The following RFX3 variants were observed in gnomAD, a reference collection of about 807,000 sequenced individuals.
RFX3 encodes the protein regulatory factor X3, also known as transcription factor RFX3.
A neutral mutation model predicts 98.6 loss-of-function variants in RFX3; 14 were observed. The ratio of observed to expected loss-of-function variants is 0.14; its 90% CI spans 0.09 to 0.22. The LOEUF (loss-of-function observed/expected upper bound fraction) is 0.22, where lower values mean the gene tolerates loss of function less well. RFX3 is among the 10% of genes least tolerant of loss of function. The probability of loss-of-function intolerance (pLI) is 1.00; values close to 1 mark genes in which losing one functional copy is unlikely to be tolerated. For synonymous variants in RFX3, 383 were observed against 328.4 expected (o/e 1.17, Z -1.80); for missense variants, 639 against 926.9 (o/e 0.69, Z 4.03).
chr9:3,435,363 T>C (rs982801080), intron 1 of RFX3, among the ~76,000 whole-genome samples: 29 of 148,106 alleles, frequency 2.0e-4, no homozygotes, highest in Admixed American at 4.0e-4. Flanking sequence ...ATATCCTTAT[T>C]CCGTAATCTT....
rs1554733178 is a variant in RFX3 at position 3,524,877 on chromosome 9, A to ACC, written c.-9+868_-9+869dup. Among the ~76,000 whole-genome samples, 69 of 99,706 alleles carry ACC rather than the reference A, an allele frequency of 6.9e-4. 1 individual carries two copies. The highest frequency in any genetic ancestry group is 1.1e-3 in the African/African-American group (24 of 21,944). The allele number at this position is 99,706 out of a possible 152,430, so 65.4% of individuals were successfully genotyped here. On this transcript the variant is annotated intron_variant, in intron 1 of 16. Transcript: ENST00000617270. Reference sequence around the variant, plus strand: ...CACACACACACACACACACACACACACCAAAGAAGAGAGAGGAGACAGACT... The same window carrying ACC: ...CACACACACACACACACACACACACACCCCAAAGAAGAGAGAGGAGACAGACT...
At chr9:3,412,669 C>T (rs1187347175) in intron 1 of RFX3, among the ~76,000 whole-genome samples, 1 of 152,048 alleles carries the variant, frequency 6.6e-6, no homozygotes, top group Non-Finnish European at 1.5e-5. Context: ...AAAGCTATCA[C>T]CTGGCTTAAA....
chr9:3,514,190 T>C (rs545024042), intron 1 of RFX3, among the ~76,000 whole-genome samples: 2 of 152,292 alleles, frequency 1.3e-5, no homozygotes, highest in South Asian at 2.1e-4. Flanking sequence ...TCCCCTAATC[T>C]TTCTTTGCCT....
chr9:3,298,546 T>A (rs72699037), intron 5 of RFX3, among the ~76,000 whole-genome samples: 17,332 of 151,842 alleles, frequency 0.11, 1,001 homozygotes, highest in Middle Eastern at 0.2. Flanking sequence ...AGGGATGCAC[T>A]GGTGAACAAA....
At chr9:3,488,904 A>G (rs1850502461) in intron 1 of RFX3, 1 of 984,502 alleles carries the variant, frequency 1.0e-6, no homozygotes, top group South Asian at 4.7e-5. Flanking sequence ...TGCTAAAACA[A>G]AGACCATATA....
At chr9:3,508,223 C>T (rs1817302228) in intron 1 of RFX3, among the ~76,000 whole-genome samples, 1 of 151,884 alleles carries the variant, frequency 6.6e-6, no homozygotes, top group South Asian at 2.1e-4. Context: ...CTCTGCACAT[C>T]CAACAAATAC....
Position 3,395,543 on chromosome 9 carries a change from A to C in RFX3, c.46T>G (p.Leu16Val), listed in dbSNP as rs755223224. The C allele has an allele frequency of 6.2e-7, 1 of 1,614,122 alleles. No homozygotes were observed. Among genetic ancestry groups the C allele is most frequent in the Non-Finnish European group, 8.5e-7 (1 of 1,180,000 alleles). Reference sequence around the variant, plus strand: ...GCTTGACTAGCCACAGATGTTTGTAAGGTCACTGTCGAGCCTGTGTCCGAC... The same window carrying C: ...GCTTGACTAGCCACAGATGTTTGTACGGTCACTGTCGAGCCTGTGTCCGAC... ...TGSDTGSTVT[L>V]QTSVASQAAV... Residue 16 changes from leucine to valine, a missense_variant, in exon 2 of 17, where the codon TTA (leucine) becomes GTA (valine). Leu to Val is a conservative substitution (Grantham distance 32). Transcript: ENST00000617270.
intron 4 of RFX3, among the ~76,000 whole-genome samples, chr9:3,318,803 C>T (rs533024320): frequency 1.3e-4 from 19 of 151,964 alleles, no homozygotes; most frequent in Non-Finnish European, 2.5e-4. Flanking sequence ...ATTTTCATAG[C>T]GGGGAGAAAA....
chr9:3,440,133 A>C (rs1323875957), intron 1 of RFX3, among the ~76,000 whole-genome samples: 1 of 152,066 alleles, frequency 6.6e-6, no homozygotes. Flanking sequence ...TCTATTAACA[A>C]CTTGTAGTTA....
intron 1 of RFX3, among the ~76,000 whole-genome samples, chr9:3,518,856 T>G (rs1363554333): frequency 6.6e-6 from 1 of 152,206 alleles, no homozygotes; most frequent in Non-Finnish European, 1.5e-5. Context: ...CCAAAATTAT[T>G]TATTGCTGTA....
chr9:3,283,972 T>A (rs1244381901), intron 7 of RFX3, among the ~76,000 whole-genome samples: 1 of 151,810 alleles, frequency 6.6e-6, no homozygotes, highest in East Asian at 1.9e-4. Flanking sequence ...TTAACCTTTA[T>A]GGACTTCGGT....
intron 1 of RFX3, among the ~76,000 whole-genome samples, chr9:3,481,320 G>C (rs1348310891): frequency 6.6e-6 from 1 of 151,996 alleles, no homozygotes; most frequent in Non-Finnish European, 1.5e-5. Flanking sequence ...AGGCTATCTG[G>C]CTTTAATGCA....
At chr9:3,432,144 C>G (rs112220331) in intron 1 of RFX3, among the ~76,000 whole-genome samples, 41 of 152,148 alleles carry the variant, frequency 2.7e-4, no homozygotes, top group Non-Finnish European at 7.4e-5. Context: ...TCCACTGATT[C>G]TTTGTTCCTG....
At chr9:3,478,386 G>A (rs921691186) in intron 1 of RFX3, among the ~76,000 whole-genome samples, 5 of 149,768 alleles carry the variant, frequency 3.3e-5, no homozygotes, top group Non-Finnish European at 7.4e-5. Context: ...CGTAGTGTGT[G>A]GCCACCGAGT....
intron 2 of RFX3, among the ~76,000 whole-genome samples, chr9:3,368,099 C>A (rs1022009146): frequency 1.3e-5 from 2 of 152,192 alleles, no homozygotes; most frequent in Non-Finnish European, 2.9e-5. Context: ...AATTGTTCCA[C>A]TGTTGATCTT....
chr9:3,267,578 T>C (rs966243084), intron 11 of RFX3, among the ~76,000 whole-genome samples: 1 of 151,850 alleles, frequency 6.6e-6, no homozygotes, highest in Admixed American at 6.6e-5. Context: ...AGAGACGAGA[T>C]TGGAACGGGC....
chr9:3,490,141 A>T (rs1243548585), intron 1 of RFX3: 2 of 166,306 alleles, frequency 1.2e-5, no homozygotes, highest in East Asian at 3.8e-4. Flanking sequence ...CCATCAAGAA[A>T]GGAAAAACAT....
intron 1 of RFX3, among the ~76,000 whole-genome samples, chr9:3,408,368 G>T (rs1181215572): frequency 6.6e-6 from 1 of 152,084 alleles, no homozygotes; most frequent in African/African-American, 2.4e-5. Flanking sequence ...ATTCCTGCTT[G>T]AGCACAGGGC....
intron 11 of RFX3, among the ~76,000 whole-genome samples, chr9:3,267,695 C>A (rs955713529): frequency 1.3e-5 from 2 of 151,714 alleles, no homozygotes; most frequent in Non-Finnish European, 2.9e-5. Flanking sequence ...TCTTTTGAAA[C>A]CTTCAAAGCT....
Sources: allele counts gnomAD v4.1 joint callset (sites outside exome capture counted in the v4.1 genomes callset), GRCh38; gene constraint gnomAD v4.1.1; transcripts MANE v1.5; gene names NCBI Gene and HGNC (gene_info 2026-07-23, HGNC 2026-07-21).